The following CAMK2A variants were observed in gnomAD, a reference collection of about 807,000 sequenced individuals.
The protein encoded by CAMK2A is calcium/calmodulin-dependent protein kinase type II subunit alpha.
CAMK2A carries 7 observed loss-of-function variants against 79.2 expected under a neutral mutation model. The observed-to-expected ratio is 0.09, with a 90% confidence interval of 0.05 to 0.17. The LOEUF (loss-of-function observed/expected upper bound fraction) is 0.17. CAMK2A is among the 10% of genes least tolerant of loss of function. The pLI is 1.00. For missense variants in CAMK2A, 214 were observed against 646.4 expected (o/e 0.33, Z 7.25); for synonymous variants, 242 against 251.7 (o/e 0.96, Z 0.36).
intron 1 of CAMK2A, among the ~76,000 whole-genome samples, chr5:150,278,773 G>T (rs924008688): frequency 6.6e-6 from 1 of 152,186 alleles, no homozygotes; most frequent in African/African-American, 2.4e-5. Flanking sequence ...CAAGGGGCGG[G>T]TGTCTGGCCA....
chr5:150,242,750 G>A (rs1755404346), intron 13 of CAMK2A, among the ~76,000 whole-genome samples: 1 of 152,170 alleles, frequency 6.6e-6, no homozygotes, highest in African/African-American at 2.4e-5. Context: ...CAATCGTACT[G>A]AAAATGCACC....
intron 1 of CAMK2A, among the ~76,000 whole-genome samples, chr5:150,273,491 T>C (rs1045587683): frequency 6.6e-6 from 1 of 152,226 alleles, no homozygotes; most frequent in Non-Finnish European, 1.5e-5. Context: ...TAGATTTTAT[T>C]CTTTGAGTAG....
upstream of CAMK2A, chr5:150,289,837 A>G (rs890899571): frequency 3.7e-6 from 2 of 539,578 alleles, no homozygotes; most frequent in African/African-American, 3.8e-5. Context: ...TCCCCATGGC[A>G]ACCACCTCCA....
rs996441786 is a variant in CAMK2A at position 150,284,800 on chromosome 5, C to T, written c.62+4764G>A. On this transcript the variant is annotated intron_variant, in intron 1 of 18. Transcript: ENST00000671881. The surrounding 1 kb of genome is among the most constrained non-coding windows in gnomAD (Gnocchi z 5.3). ...CCACTTCTCTCTGAGTGTTGGCTCC[C>T]AGAGACCAAGGCAAGGACCATCTAT... Among the ~76,000 whole-genome samples, 2 of 152,102 alleles carry T rather than the reference C, an allele frequency of 1.3e-5. No homozygotes were observed. The highest frequency in any genetic ancestry group is 4.8e-5 in the African/African-American group (2 of 41,406).
intron 1 of CAMK2A, among the ~76,000 whole-genome samples, chr5:150,278,061 G>T (rs1757028509): frequency 6.6e-6 from 1 of 152,234 alleles, no homozygotes; most frequent in Non-Finnish European, 1.5e-5. Context: ...CCAACTGTGT[G>T]ACGCTGAACT....
At chr5:150,225,043 AG>A (rs1754527546) in intron 17 of CAMK2A, among the ~76,000 whole-genome samples, 1 of 116,236 alleles carries the variant, frequency 8.6e-6, no homozygotes, top group African/African-American at 6.5e-5. Flanking sequence ...GTAGGTAGGG[AG>A]AGAGAGAGAG....
At position 150,256,517 on chromosome 5, in the gene CAMK2A, C is replaced by A; in HGVS notation, c.411+56G>T. 1.7e-6 allele frequency: 2 copies of A among 1,153,008 alleles called. No individual in the cohort carries two copies. The highest frequency in any genetic ancestry group is 2.6e-6 in the Non-Finnish European group (2 of 764,284). The allele number at this position is 1,153,008 out of a possible 1,614,324, so 71.4% of individuals were successfully genotyped here. ...ATGTCCAGCTCTGCAGGATTAGGGA[C>A]GTGCAGAGGAGAGAGGGGCTCCCGG... On this transcript the variant is annotated intron_variant, in intron 6 of 18. Transcript: ENST00000671881. The surrounding 1 kb of genome is among the most constrained non-coding windows in gnomAD (Gnocchi z 4.6).
At chr5:150,228,942 A>G (rs1754723446) in intron 16 of CAMK2A, among the ~76,000 whole-genome samples, 1 of 152,168 alleles carries the variant, frequency 6.6e-6, no homozygotes, top group Admixed American at 6.5e-5. Context: ...TTCAGCTGTT[A>G]TTCCCTTCCA....
Position 150,284,930 on chromosome 5 carries a change from T to C in CAMK2A, c.62+4634A>G, listed in dbSNP as rs1204918023. Among the ~76,000 whole-genome samples, 3 of 152,132 alleles carry C rather than the reference T, an allele frequency of 2.0e-5. No individual in the cohort carries two copies. Among genetic ancestry groups the C allele is most frequent in the African/African-American group, 7.2e-5 (3 of 41,404 alleles). ...GAGGGAGGCTACAGAGCGTGGCATC[T>C]CTAATGGGGCATTGCAGGCATCTCC... On this transcript the variant is annotated intron_variant, in intron 1 of 18. Coordinates refer to ENST00000671881, the MANE Select transcript of CAMK2A (RefSeq NM_015981.4). This position sits in a 1 kb window ranked among gnomAD's most constrained non-coding sequence, Gnocchi z 5.3.
chr5:150,268,100 G>A (rs944895435), intron 2 of CAMK2A, among the ~76,000 whole-genome samples: 4 of 152,004 alleles, frequency 2.6e-5, no homozygotes, highest in Non-Finnish European at 5.9e-5. Flanking sequence ...GGCTGGTCTC[G>A]AACTCCTGAC....
chr5:150,271,524 C>G (rs1756749599), intron 2 of CAMK2A, among the ~76,000 whole-genome samples: 1 of 152,236 alleles, frequency 6.6e-6, no homozygotes, highest in Non-Finnish European at 1.5e-5. Context: ...ACCTGCTGGG[C>G]CCTGGCCCCA....
chr5:150,272,098 T>C (rs976235412), intron 2 of CAMK2A, among the ~76,000 whole-genome samples: 3 of 152,194 alleles, frequency 2.0e-5, no homozygotes, highest in African/African-American at 7.2e-5. Flanking sequence ...CACTTGGAGT[T>C]CACTGGCCCC....
At chr5:150,275,738 C>G (rs1427882457) in intron 1 of CAMK2A, among the ~76,000 whole-genome samples, 1 of 152,208 alleles carries the variant, frequency 6.6e-6, no homozygotes, top group African/African-American at 2.4e-5. Flanking sequence ...GGGCACAGAG[C>G]AAGGTCTGGA....
Position 150,223,210 on chromosome 5 carries a change from G to C in CAMK2A, c.1245C>G (p.Ser415=). 6.2e-7 allele frequency: 1 copy of C among 1,613,180 alleles called. No homozygotes were observed. Among genetic ancestry groups the C allele is most frequent in the Non-Finnish European group, 8.5e-7 (1 of 1,179,874 alleles). The change falls in exon 18 of 19, where the codon TCC becomes TCG. Residue 415 remains serine, a synonymous_variant. Transcript: ENST00000671881. This position sits in a 1 kb window ranked among gnomAD's most constrained non-coding sequence, Gnocchi z 4.1. ...TGGTGTGCACGGGCTTGCTGTTCCGGGACCACACTGGAGGAGGGGATGGGA... is the reference window on the plus strand; with the variant it reads ...TGGTGTGCACGGGCTTGCTGTTCCGCGACCACACTGGAGGAGGGGATGGGA... The part of the protein sequence containing the change: ...FHRFYFENLW[S]RNSKPVHTTI...
At chr5:150,271,355 G>A (rs185067896) in intron 2 of CAMK2A, among the ~76,000 whole-genome samples, 3 of 152,272 alleles carry the variant, frequency 2.0e-5, no homozygotes, top group Non-Finnish European at 2.9e-5. Flanking sequence ...AGACACTGGC[G>A]GGAGGTCGGT....
chr5:150,282,382 G>T (rs1757252426), intron 1 of CAMK2A, among the ~76,000 whole-genome samples: 1 of 152,218 alleles, frequency 6.6e-6, no homozygotes, highest in African/African-American at 2.4e-5. Context: ...AAGAAAAACA[G>T]AAAAATATTC....
In CAMK2A at chr5:150,269,800, G is replaced by A. The variant is rs148097590; in HGVS notation, c.157+3265C>T. 2.6e-4 allele frequency among the ~76,000 whole-genome samples: 40 copies of A among 152,322 alleles called. No individual in the cohort carries two copies. In the East Asian group the frequency reaches 7.7e-3, roughly 29 times the overall value. ...GGACAGCCTGATCCTGGGAGCAAGA[G>A]TGCCAGGCAAGGGGTAGGGAGGAGA... is the stretch of plus-strand genomic sequence containing the variant. On this transcript the variant is annotated intron_variant, in intron 2 of 18. Transcript: ENST00000671881.
intron 1 of CAMK2A, among the ~76,000 whole-genome samples, chr5:150,277,837 A>T (rs1757016349): frequency 6.6e-6 from 1 of 152,204 alleles, no homozygotes; most frequent in Admixed American, 6.5e-5. Context: ...TTTGATCCTC[A>T]CAGCAATCCT....
chr5:150,270,568 G>A (rs192361855), intron 2 of CAMK2A, among the ~76,000 whole-genome samples: 1 of 152,140 alleles, frequency 6.6e-6, no homozygotes, highest in East Asian at 1.9e-4. Context: ...AGAGTGTGTT[G>A]CCAAATATTC....
Sources: allele counts gnomAD v4.1 joint callset (sites outside exome capture counted in the v4.1 genomes callset), GRCh38; gene constraint gnomAD v4.1.1; non-coding constraint Gnocchi (gnomAD v3.1); transcripts MANE v1.5; gene names NCBI Gene and HGNC (gene_info 2026-07-23, HGNC 2026-07-21).